DIAPH2: variants seen among roughly 807,000 people sequenced by gnomAD.
DIAPH2 encodes diaphanous related formin 2.
DIAPH2 carries 35 observed loss-of-function variants against 92.7 expected under a neutral mutation model. The ratio of observed to expected loss-of-function variants is 0.38; its 90% CI spans 0.29 to 0.50. DIAPH2 has a LOEUF of 0.50. DIAPH2 is among the 20% of genes least tolerant of loss of function. The pLI is 0.94. For synonymous variants in DIAPH2, 301 were observed against 280.4 expected, an observed-to-expected ratio of 1.07 and a Z score of -0.73; for missense variants, 701 against 819.5, an observed-to-expected ratio of 0.86 and a Z score of 1.77.
At chrX:97,318,389 G>A (rs370508239) in intron 23 of DIAPH2, among the ~76,000 whole-genome samples, 139 of 107,962 alleles carry the variant, frequency 1.3e-3, no homozygotes, top group African/African-American at 4.4e-3. Context: ...CACCAGCCTC[G>A]GCCTCTCAAA....
At chrX:97,089,889 G>A (rs1478018163) in intron 19 of DIAPH2, among the ~76,000 whole-genome samples, 3 of 110,185 alleles carry the variant, frequency 2.7e-5, no homozygotes, top group African/African-American at 6.6e-5. Context: ...CACCATGCCC[G>A]GCTAATTTTT....
intron 23 of DIAPH2, among the ~76,000 whole-genome samples, chrX:97,345,488 C>T (rs1367245382): frequency 2.7e-5 from 3 of 111,479 alleles, no homozygotes; most frequent in Non-Finnish European, 5.7e-5. Flanking sequence ...AATTTGGCCC[C>T]AGGTTATAAT....
chrX:97,434,458 A>G (rs747351039), intron 26 of DIAPH2, among the ~76,000 whole-genome samples: 4 of 105,045 alleles, frequency 3.8e-5, no homozygotes, highest in Non-Finnish European at 7.8e-5. Context: ...CCCCAGGCTG[A>G]AGTGCAGTGG....
rs144525437 is a variant in DIAPH2, at chrX:97,407,816, T to A, written c.3146-21834T>A. Among the ~76,000 whole-genome samples the A allele has an allele frequency of 2.9e-3, 330 of 111,875 alleles. 1 individual carries two copies. The highest frequency in any genetic ancestry group is 8.6e-3 in the African/African-American group (265 of 30,945). On this transcript the variant is annotated intron_variant, in intron 25 of 26. Coordinates refer to ENST00000324765, the MANE Select transcript of DIAPH2 (RefSeq NM_006729.5). The stretch of plus-strand genomic sequence containing the variant: ...AGTAACTTCATAAAATAGCATATGA[T>A]ATAAATCATGGAAGTTTTTGAATTA...
At chrX:97,036,167 T>G (rs925486000) in intron 17 of DIAPH2, among the ~76,000 whole-genome samples, 2 of 111,945 alleles carry the variant, frequency 1.8e-5, no homozygotes, top group African/African-American at 6.5e-5. Context: ...ATGTTAAATA[T>G]TGGAAGTTTG....
At chrX:97,307,862 T>G (rs1319356252) in intron 23 of DIAPH2, among the ~76,000 whole-genome samples, 4 of 103,090 alleles carry the variant, frequency 3.9e-5, no homozygotes, top group Non-Finnish European at 5.9e-5. Flanking sequence ...GAGACAAGAT[T>G]GCGCCATTGC....
chrX:97,131,201 A>G (rs961502251), intron 21 of DIAPH2, among the ~76,000 whole-genome samples: 1 of 111,838 alleles, frequency 8.9e-6, no homozygotes, highest in African/African-American at 3.2e-5. Context: ...TGGAAACCAG[A>G]TATTGAAAAT....
At chrX:96,999,729 A>G (rs2066130427) in intron 17 of DIAPH2, among the ~76,000 whole-genome samples, 1 of 110,942 alleles carries the variant, frequency 9.0e-6, no homozygotes, top group Admixed American at 9.6e-5. Flanking sequence ...AATGCAATTG[A>G]TATAGTTTGG....
At chrX:96,830,250 T>C (rs1389093467) in intron 4 of DIAPH2, among the ~76,000 whole-genome samples, 1 of 111,443 alleles carries the variant, frequency 9.0e-6, no homozygotes, top group Admixed American at 9.6e-5. Context: ...GGGCTCATTA[T>C]CTTAATATAC....
intron 26 of DIAPH2, among the ~76,000 whole-genome samples, chrX:97,511,718 A>G (rs1472137968): frequency 2.7e-5 from 3 of 110,860 alleles, no homozygotes; most frequent in Non-Finnish European, 5.7e-5. Context: ...TTTAGCATGA[A>G]AGGTTGTTGA....
chrX:97,275,903 G>A (rs5921760), intron 23 of DIAPH2, among the ~76,000 whole-genome samples: 2,048 of 112,472 alleles, frequency 0.018, 14 homozygotes, highest in Middle Eastern at 0.041. Flanking sequence ...TGCAATCTCC[G>A]CACTTTGGGA....
intron 22 of DIAPH2, among the ~76,000 whole-genome samples, chrX:97,232,226 C>A: frequency 9.0e-6 from 1 of 110,798 alleles, no homozygotes; most frequent in Admixed American, 9.6e-5. Flanking sequence ...TTACCCTTAC[C>A]CTTCCTCATC....
At chrX:97,052,882 T>C (rs1402678339) in intron 17 of DIAPH2, among the ~76,000 whole-genome samples, 7 of 111,029 alleles carry the variant, frequency 6.3e-5, no homozygotes, top group Non-Finnish European at 7.6e-5. Context: ...TAGGCTGATG[T>C]TAATATTTTT....
chrX:96,908,924 C>A (rs2065451714), intron 5 of DIAPH2, among the ~76,000 whole-genome samples: 1 of 111,620 alleles, frequency 9.0e-6, no homozygotes, highest in South Asian at 3.8e-4. Flanking sequence ...GATCTGTGTT[C>A]TGCGGCACTG....
chrX:97,056,056 T>C (rs2066555062), intron 17 of DIAPH2, among the ~76,000 whole-genome samples: 2 of 111,372 alleles, frequency 1.8e-5, no homozygotes, highest in Admixed American at 9.5e-5. Context: ...AGTGATCAGC[T>C]TGAAGTAGTT....
chrX:97,311,462 CA>C (rs1363514231), intron 23 of DIAPH2, among the ~76,000 whole-genome samples: 5 of 111,380 alleles, frequency 4.5e-5, no homozygotes, highest in Non-Finnish European at 9.4e-5. Context: ...ATTCGGGGAT[CA>C]GAGTTTTTAA....
At chrX:96,871,608 C>A (rs1437497276) in intron 4 of DIAPH2, among the ~76,000 whole-genome samples, 1 of 110,530 alleles carries the variant, frequency 9.0e-6, no homozygotes, top group African/African-American at 3.3e-5. Flanking sequence ...TGCCATGGGC[C>A]CCTCTGAAAG....
chrX:96,702,038 T>G (rs1177490093), intron 1 of DIAPH2, among the ~76,000 whole-genome samples: 1 of 112,458 alleles, frequency 8.9e-6, no homozygotes, highest in Non-Finnish European at 1.9e-5. Flanking sequence ...AGGCTATATT[T>G]AAAATCTAGA....
At chrX:96,928,798 G>A (rs764152618) in intron 9 of DIAPH2, among the ~76,000 whole-genome samples, 1 of 111,090 alleles carries the variant, frequency 9.0e-6, no homozygotes, top group Non-Finnish European at 1.9e-5. Context: ...TGGATGGAAC[G>A]TCTTTGTTTT....
Sources: gnomAD v4.1 joint callset for allele counts (sites outside exome capture counted in the v4.1 genomes callset) on GRCh38, gnomAD v4.1.1 for gene constraint, MANE v1.5 for transcripts, NCBI Gene and HGNC (gene_info 2026-07-23, HGNC 2026-07-21) for gene names.